Variants in CNKSR2 observed in about 807,000 individuals in gnomAD.
CNKSR2 encodes connector enhancer of kinase suppressor of Ras 2.
CNKSR2 carries 14 observed loss-of-function variants against 84.4 expected under a neutral mutation model. That is an observed-to-expected ratio of 0.17 (90% confidence interval 0.11 to 0.26). The LOEUF (loss-of-function observed/expected upper bound fraction) is 0.26, where lower values mean the gene tolerates loss of function less well. Among genes scored for constraint, CNKSR2 ranks in the 10% least tolerant of loss-of-function variants. The probability of loss-of-function intolerance (pLI) is 1.00; values close to 1 mark genes in which losing one functional copy is unlikely to be tolerated. For missense variants in CNKSR2, 485 were observed against 771.2 expected, an observed-to-expected ratio of 0.63 and a Z score of 4.40; for synonymous variants, 275 against 277.9, an observed-to-expected ratio of 0.99 and a Z score of 0.10.
chrX:21,593,618 G>A (rs1360640624), intron 15 of CNKSR2: 1 of 111,470 alleles, frequency 9.0e-6, no homozygotes, highest in Non-Finnish European at 1.9e-5. Context: ...GGGATAACTC[G>A]TATCTAACAT....
intron 13 of CNKSR2, among the ~76,000 whole-genome samples, chrX:21,569,216 A>G (rs907536303): frequency 4.5e-5 from 5 of 111,239 alleles, no homozygotes; most frequent in African/African-American, 1.6e-4. Context: ...GCAAGTTATT[A>G]TTATTATTAT....
intron 4 of CNKSR2, among the ~76,000 whole-genome samples, chrX:21,464,107 G>A (rs781288889): frequency 2.7e-5 from 3 of 112,287 alleles, no homozygotes; most frequent in Admixed American, 9.4e-5. Flanking sequence ...CCATGGTGGC[G>A]AAGCTTGTGG....
At chrX:21,390,470 A>T (rs765626463) in intron 1 of CNKSR2, among the ~76,000 whole-genome samples, 1 of 111,366 alleles carries the variant, frequency 9.0e-6, no homozygotes, top group African/African-American at 3.3e-5. Context: ...CACGTCTTAC[A>T]TGGCTAGAGA....
chrX:21,621,809 CA>C (rs1407714373), intron 20 of CNKSR2, among the ~76,000 whole-genome samples: 4 of 110,296 alleles, frequency 3.6e-5, no homozygotes, highest in African/African-American at 1.3e-4. Context: ...TAAAATGCTT[CA>C]TTTTTTTATT....
intron 1 of CNKSR2, among the ~76,000 whole-genome samples, chrX:21,386,610 G>T (rs904554619): frequency 1.8e-5 from 2 of 111,967 alleles, no homozygotes; most frequent in African/African-American, 6.5e-5. Context: ...ACTTAAGTAG[G>T]ATTTGTTCAA....
At chrX:21,439,824 A>G (rs1340599386) in intron 3 of CNKSR2, among the ~76,000 whole-genome samples, 1 of 110,652 alleles carries the variant, frequency 9.0e-6, no homozygotes, top group East Asian at 2.8e-4. Flanking sequence ...AAATGATTTC[A>G]TTGTTGAATT....
intron 20 of CNKSR2, among the ~76,000 whole-genome samples, chrX:21,628,597 C>G (rs1375504750): frequency 8.9e-6 from 1 of 112,148 alleles, no homozygotes; most frequent in African/African-American, 3.2e-5. Context: ...CCACAGGAAG[C>G]TGCCAAGGCT....
At chrX:21,641,772 T>C in intron 20 of CNKSR2, 4 of 1,024,534 alleles carry the variant, frequency 3.9e-6, no homozygotes, top group Non-Finnish European at 5.0e-6. Context: ...GTGTTTTGGA[T>C]TGGGGGCCTC....
intron 5 of CNKSR2, among the ~76,000 whole-genome samples, chrX:21,482,940 A>C (rs954960793): frequency 8.9e-6 from 1 of 111,961 alleles, no homozygotes; most frequent in Admixed American, 9.5e-5. Context: ...ATTTACTTGC[A>C]ACTATTTGCT....
chrX:21,601,331 A>G lies in CNKSR2; in HGVS notation c.2026A>G (p.Arg676Gly), dbSNP rs2092480487. The change falls in exon 18 of 22, where the codon AGG (arginine) becomes GGG (glycine). Residue 676 changes from arginine to glycine, a missense_variant. This residue lies in a region of CNKSR2 where 210 missense variants were observed against 291.5 expected (regional missense o/e 0.72). Coordinates refer to ENST00000379510, the MANE Select transcript of CNKSR2 (RefSeq NM_014927.5). ...MLTAGYAERE[R>G]IKQEQDYWSE... ...GACTGCAGGATATGCAGAAAGAGAG[A>G]GGATTAAGCAGGAACAAGGTAAAGG... is the stretch of plus-strand genomic sequence containing the variant. 1.7e-6 allele frequency: 2 copies of G among 1,144,597 alleles called. No homozygotes were observed. The highest frequency in any genetic ancestry group is 2.4e-6 in the Non-Finnish European group (2 of 842,970). 94.3% of individuals were successfully genotyped at this position (1,144,597 alleles called of 1,213,427 possible).
intron 5 of CNKSR2, among the ~76,000 whole-genome samples, chrX:21,471,233 G>C (rs1361920682): frequency 9.0e-6 from 1 of 111,649 alleles, no homozygotes; most frequent in Non-Finnish European, 1.9e-5. Context: ...ATACCTACGA[G>C]ACAACCTTTC....
At chrX:21,531,233 G>A (rs1199276688) in intron 10 of CNKSR2, among the ~76,000 whole-genome samples, 1 of 110,749 alleles carries the variant, frequency 9.0e-6, no homozygotes, top group Non-Finnish European at 1.9e-5. Context: ...CCTTATGGTA[G>A]TTCTTAAATA....
At chrX:21,482,741 T>A (rs1200700329) in intron 5 of CNKSR2, among the ~76,000 whole-genome samples, 1 of 111,851 alleles carries the variant, frequency 8.9e-6, no homozygotes, top group African/African-American at 3.2e-5. Context: ...TGTCCCAGGC[T>A]ATGAAATTCT....
chrX:21,561,031 A>G (rs924488714), intron 11 of CNKSR2, among the ~76,000 whole-genome samples: 2 of 110,470 alleles, frequency 1.8e-5, no homozygotes, highest in African/African-American at 6.6e-5. Flanking sequence ...TGGTGTTCCA[A>G]CTTGAAACAG....
chrX:21,548,117 A>T (rs766977139), intron 11 of CNKSR2, among the ~76,000 whole-genome samples: 1 of 112,153 alleles, frequency 8.9e-6, no homozygotes, highest in Non-Finnish European at 1.9e-5. Flanking sequence ...AACCCTTCAA[A>T]GAATCAGTGA....
At chrX:21,467,525 T>C (rs1258473960) in intron 4 of CNKSR2, among the ~76,000 whole-genome samples, 1 of 111,637 alleles carries the variant, frequency 9.0e-6, no homozygotes, top group Non-Finnish European at 1.9e-5. Context: ...CCCATAATTG[T>C]GCCTTTGTTA....
At chrX:21,578,266 C>A (rs1436080156) in intron 13 of CNKSR2, among the ~76,000 whole-genome samples, 1 of 111,382 alleles carries the variant, frequency 9.0e-6, no homozygotes, top group Non-Finnish European at 1.9e-5. Context: ...AACTTTCCTG[C>A]CATAGTAAAC....
chrX:21,488,900 C>T (rs1283840099), intron 5 of CNKSR2, among the ~76,000 whole-genome samples: 1 of 110,723 alleles, frequency 9.0e-6, no homozygotes, highest in African/African-American at 3.3e-5. Flanking sequence ...AAGGAAATAC[C>T]TTGTGGACAA....
At chrX:21,524,424 C>T (rs901080912) in intron 9 of CNKSR2, among the ~76,000 whole-genome samples, 1 of 110,807 alleles carries the variant, frequency 9.0e-6, no homozygotes, top group African/African-American at 3.3e-5. Context: ...TAACTAATAA[C>T]ATTAACTGAT....
Sources: allele counts gnomAD v4.1 joint callset (sites outside exome capture counted in the v4.1 genomes callset), GRCh38; gene constraint gnomAD v4.1.1; regional missense constraint gnomAD v4.1.1; transcripts MANE v1.5; gene names NCBI Gene and HGNC (gene_info 2026-07-23, HGNC 2026-07-21).